Variants in UBE3B observed in about 807,000 individuals in gnomAD.
The protein encoded by UBE3B is ubiquitin-protein ligase E3B.
UBE3B carries 80 observed loss-of-function variants against 132.3 expected under a neutral mutation model. The observed-to-expected ratio is 0.60, with a 90% CI of 0.50 to 0.73. The LOEUF (loss-of-function observed/expected upper bound fraction) is 0.73. Ranked by LOEUF, UBE3B falls within the 30% of genes least tolerant of loss-of-function variation. UBE3B has a pLI of 0.00. For synonymous variants in UBE3B, 487 were observed against 520.4 expected, an observed-to-expected ratio of 0.94 and a Z score of 0.87; for missense variants, 1,196 against 1,362.5, an observed-to-expected ratio of 0.88 and a Z score of 1.92.
intron 11 of UBE3B, 53 bp downstream of exon 11, chr12:109,498,406 G>A (rs56244055): frequency 0.17 from 274,167 of 1,582,308 alleles, 24,367 homozygotes; most frequent in Middle Eastern, 0.19. Context: ...GGGAAAGCCC[G>A]AGTGTTTTGC....
At position 109,524,232 on chromosome 12, in the gene UBE3B, C is replaced by T. The variant is rs1459069826; in HGVS notation, c.2502+117C>T. ...TTGCTGTTGCTGTAGCTGCTACAGG[C>T]CCCTCACATCCCCCTGTGGGCAGTC... is the stretch of plus-strand genomic sequence containing the variant. On this transcript the variant is annotated intron_variant, in intron 22 of 27. Coordinates refer to ENST00000342494, the MANE Select transcript of UBE3B (RefSeq NM_130466.4). The T allele has an allele frequency of 2.1e-5, 30 of 1,430,168 alleles. No homozygotes were observed. The Admixed American group carries it at 2.9e-4, about 14-fold the overall frequency. The allele number at this position is 1,430,168 out of a possible 1,614,324, so 88.6% of individuals were successfully genotyped here.
chr12:109,532,511 TG>T (rs898805305), intron 26 of UBE3B, among the ~76,000 whole-genome samples: 3 of 152,210 alleles, frequency 2.0e-5, no homozygotes, highest in African/African-American at 4.8e-5. Flanking sequence ...GACAGCTTGA[TG>T]ATGTAAGTGA....
At chr12:109,546,928 T>C in the UBE3B span, among the ~76,000 whole-genome samples, 10 of 152,126 alleles carry the variant, frequency 6.6e-5, no homozygotes, top group Non-Finnish European at 8.8e-5. Context: ...CAGGCTGGTG[T>C]TGAACTCCTG....
At position 109,524,122 on chromosome 12, in the gene UBE3B, A is replaced by G; in HGVS notation, c.2502+7A>G. On this transcript the variant is annotated splice_region_variant and intron_variant, in intron 22 of 27. Coordinates refer to ENST00000342494, the MANE Select transcript of UBE3B (RefSeq NM_130466.4). ...AAACCTCACCTCCATCAAGGTGAGC[A>G]TGGAATGGTGGGTGAGCTAAGCCGA... 1 of 1,614,078 alleles carries G rather than the reference A, an allele frequency of 6.2e-7. No homozygotes were observed. The highest frequency in any genetic ancestry group is 8.5e-7 in the Non-Finnish European group (1 of 1,180,006).
At position 109,521,006 on chromosome 12, in the gene UBE3B, C is replaced by A; in HGVS notation, c.2077-142C>A. 1 of 869,516 alleles carries A rather than the reference C, an allele frequency of 1.2e-6. No homozygotes were observed. Among genetic ancestry groups the A allele is most frequent in the Non-Finnish European group, 1.7e-6 (1 of 573,136 alleles). The allele number at this position is 869,516 out of a possible 1,614,324, so 53.9% of individuals were successfully genotyped here. On this transcript the variant is annotated intron_variant, in intron 19 of 27. Coordinates refer to ENST00000342494, the MANE Select transcript of UBE3B (RefSeq NM_130466.4). This position sits in a 1 kb window ranked among gnomAD's most constrained non-coding sequence, Gnocchi z 4.2. Reference sequence around the variant, plus strand: ...GCACTCATTCAAAAGCAGGTGAGAACGGCTCCTGTCATGCATCCACGTTTC... The same window carrying A: ...GCACTCATTCAAAAGCAGGTGAGAAAGGCTCCTGTCATGCATCCACGTTTC...
chr12:109,529,428 G>A (rs1882721758), intron 24 of UBE3B, among the ~76,000 whole-genome samples: 1 of 152,070 alleles, frequency 6.6e-6, no homozygotes, highest in Admixed American at 6.6e-5. Context: ...AGATTAGCAA[G>A]GTTTTGATTA....
chr12:109,529,854 T>G (rs1196649414), intron 24 of UBE3B, 36 bp from the exon 25 acceptor site: 1 of 1,612,686 alleles, frequency 6.2e-7, no homozygotes, highest in East Asian at 2.2e-5. Flanking sequence ...CCCGTCCTGT[T>G]AATTGTCATT....
intron 18 of UBE3B, among the ~76,000 whole-genome samples, chr12:109,516,337 A>C (rs1438443895): frequency 6.6e-6 from 1 of 151,672 alleles, no homozygotes; most frequent in Non-Finnish European, 1.5e-5. Flanking sequence ...ACACCCAGCT[A>C]ATTTTTGTAT....
chr12:109,547,455 G>C, the UBE3B span, among the ~76,000 whole-genome samples: 1 of 152,236 alleles, frequency 6.6e-6, no homozygotes, highest in Non-Finnish European at 1.5e-5. The surrounding 1 kb of genome is among the most constrained non-coding windows in gnomAD (Gnocchi z 4.1). Context: ...GCGTACGCGC[G>C]CACACACATG....
At position 109,507,547 on chromosome 12, in the gene UBE3B, C is replaced by T. The variant is rs1227005455; in HGVS notation, c.1451-17C>T. On this transcript the variant is annotated splice_polypyrimidine_tract_variant and intron_variant, in intron 14 of 27. Transcript: ENST00000342494. ...GAGTCTCCACCTGAAGCTTGGGTTT[C>T]TCTGTGTTTTTTCCAGGTCTCACTT... 3 of 1,607,164 alleles carry T rather than the reference C, an allele frequency of 1.9e-6. No homozygotes were observed. Among genetic ancestry groups the T allele is most frequent in the South Asian group, 1.1e-5 (1 of 90,016 alleles).
intron 23 of UBE3B, among the ~76,000 whole-genome samples, chr12:109,524,945 C>A (rs1212615353): frequency 6.6e-5 from 10 of 152,030 alleles, no homozygotes; most frequent in Non-Finnish European, 1.3e-4. Flanking sequence ...CGCAGCACGT[C>A]TCCTCCCACG....
chr12:109,544,612 C>G, the UBE3B span, among the ~76,000 whole-genome samples: 2 of 152,202 alleles, frequency 1.3e-5, no homozygotes, highest in African/African-American at 2.4e-5. Flanking sequence ...CAGATCCCCC[C>G]AGCCCATGCA....
At position 109,534,038 on chromosome 12, in the gene UBE3B, C is replaced by T. The variant is rs926001473; in HGVS notation, c.3015+480C>T. On this transcript the variant is annotated intron_variant, in intron 27 of 27. Transcript: ENST00000342494. This position sits in a 1 kb window ranked among gnomAD's most constrained non-coding sequence, Gnocchi z 5.2. Reference sequence around the variant, plus strand: ...GTTACGGAGCTCTGTGTGTCTCAAGCCTGGCCCACTGTGGGTGCTCAAATG... The same window carrying T: ...GTTACGGAGCTCTGTGTGTCTCAAGTCTGGCCCACTGTGGGTGCTCAAATG... 5 of 1,294,860 alleles carry T rather than the reference C, an allele frequency of 3.9e-6. No homozygotes were observed. The African/African-American group carries it at 7.6e-5, about 20-fold the overall frequency. The allele number at this position is 1,294,860 out of a possible 1,614,324, so 80.2% of individuals were successfully genotyped here.
At chr12:109,512,123 G>C (rs561977112) in intron 18 of UBE3B, among the ~76,000 whole-genome samples, 1 of 152,302 alleles carries the variant, frequency 6.6e-6, no homozygotes, top group East Asian at 1.9e-4. Flanking sequence ...CCATTGGAAA[G>C]GGGGTCTGGC....
chr12:109,533,488 C>A lies in UBE3B; in HGVS notation c.2945C>A (p.Pro982His). 1.2e-6 allele frequency: 2 copies of A among 1,614,120 alleles called. No individual in the cohort carries two copies. The highest frequency in any genetic ancestry group is 8.5e-7 in the Non-Finnish European group (1 of 1,180,022). The change falls in exon 27 of 28, where the codon CCC (proline) becomes CAC (histidine). Residue 982 changes from proline (P) to histidine (H), a missense_variant. Pro to His is a moderately conservative substitution (Grantham distance 77). Transcript: ENST00000342494. ...CAGTTCGTGACCAGCTGCTCCAGAC[C>A]CCCGCTCCTGGGATTCGCCTACCTC... ...FLKFVTSCSR[P>H]PLLGFAYLKP...
At chr12:109,537,738 G>A (rs748682278), downstream of UBE3B, among the ~76,000 whole-genome samples, 19 of 152,084 alleles carry the variant, frequency 1.2e-4, no homozygotes, top group East Asian at 1.9e-4. Flanking sequence ...ATGGAGTCTC[G>A]CTGTCGCCCA....
chr12:109,524,546 T>C (rs1234346252), intron 23 of UBE3B, 43 bp downstream of exon 23: 6 of 1,602,854 alleles, frequency 3.7e-6, no homozygotes, highest in Non-Finnish European at 4.3e-6. Flanking sequence ...ACTGCCCCCA[T>C]GGGCTCCTGA....
intron 18 of UBE3B, among the ~76,000 whole-genome samples, chr12:109,514,522 A>G (rs1880763139): frequency 6.6e-6 from 1 of 151,462 alleles, no homozygotes; most frequent in South Asian, 2.1e-4. Flanking sequence ...TGCTATCTCC[A>G]CCCCATACTG....
downstream of UBE3B, among the ~76,000 whole-genome samples, chr12:109,540,715 G>C (rs563049252): frequency 7.2e-5 from 11 of 152,378 alleles, no homozygotes; most frequent in African/African-American, 2.6e-4. Context: ...CTATTGTGAA[G>C]TCATTCTGGC....
Sources: gnomAD v4.1 joint callset for allele counts (sites outside exome capture counted in the v4.1 genomes callset) on GRCh38, gnomAD v4.1.1 for gene constraint, Gnocchi (gnomAD v3.1) non-coding constraint, MANE v1.5 for transcripts, NCBI Gene and HGNC (gene_info 2026-07-23, HGNC 2026-07-21) for gene names.